SH2B3: variants seen among roughly 807,000 people sequenced by gnomAD.
SH2B3 encodes the protein SH2B adapter protein 3.
A neutral mutation model predicts 51.9 loss-of-function variants in SH2B3; 43 were observed. The observed-to-expected ratio is 0.83, with a 90% CI of 0.65 to 1.07. The LOEUF (loss-of-function observed/expected upper bound fraction) is 1.07. Among genes scored for constraint, SH2B3 ranks in the 50% least tolerant of loss-of-function variants. The probability of loss-of-function intolerance (pLI) is 0.00; values close to 1 mark genes in which losing one functional copy is unlikely to be tolerated. For missense variants in SH2B3, 952 were observed against 834.3 expected (o/e 1.14, Z -1.74); for synonymous variants, 396 against 376.0 (o/e 1.05, Z -0.62).
In SH2B3 at chr12:111,448,512, T is replaced by C. The variant is rs113141771; in HGVS notation, c.*210T>C. 1 of 578,108 alleles carries C rather than the reference T, an allele frequency of 1.7e-6. No homozygotes were observed. The highest frequency in any genetic ancestry group is 3.1e-6 in the Non-Finnish European group (1 of 325,486). 35.8% of individuals were successfully genotyped at this position (578,108 alleles called of 1,614,324 possible). A position where few individuals can be genotyped will look rare whatever the true frequency, so the allele number is the denominator to read the frequency against. On this transcript the variant is annotated 3_prime_UTR_variant, in exon 8 of 8. Coordinates refer to ENST00000341259, the MANE Select transcript of SH2B3 (RefSeq NM_005475.3). ...TCTATCCACCTGGCTTTCTCCTTAT[T>C]GTTTACAGATGTAGTTCTTGTTAGA...
At chr12:111,440,708 G>A (rs575072413) in intron 2 of SH2B3, among the ~76,000 whole-genome samples, 2 of 152,314 alleles carry the variant, frequency 1.3e-5, no homozygotes, top group Admixed American at 1.3e-4. Flanking sequence ...AGAATATTCA[G>A]CAAACGCTAC....
At chr12:111,431,445 T>C (rs1340950200) in intron 2 of SH2B3, among the ~76,000 whole-genome samples, 15 of 152,184 alleles carry the variant, frequency 9.9e-5, no homozygotes. Context: ...ATGTTTTTTA[T>C]TTTGCTTTTT....
At chr12:111,423,629 C>T (rs1413278084) in intron 2 of SH2B3, among the ~76,000 whole-genome samples, 1 of 152,186 alleles carries the variant, frequency 6.6e-6, no homozygotes, top group East Asian at 1.9e-4. Flanking sequence ...CTCAGCCTCC[C>T]AAAGTGCCGG....
intron 2 of SH2B3, among the ~76,000 whole-genome samples, chr12:111,420,156 AT>A (rs1871419393): frequency 6.6e-6 from 1 of 152,040 alleles, no homozygotes. Flanking sequence ...CCTTGGTGAT[AT>A]TTTGCAAGTT....
In SH2B3 at chr12:111,429,614, G is replaced by A. The variant is rs549263242; in HGVS notation, c.732+10737G>A. Among the ~76,000 whole-genome samples, 14 of 152,352 alleles carry A rather than the reference G, an allele frequency of 9.2e-5. No individual in the cohort carries two copies. The highest frequency in any genetic ancestry group is 5.8e-4 in the East Asian group (3 of 5,186). ...CTCCCAAAGTGCTAGGATTACAGGC[G>A]TGAGCTACCGCGCCCGGCCCATTTT... On this transcript the variant is annotated intron_variant, in intron 2 of 7. Coordinates refer to ENST00000341259, the MANE Select transcript of SH2B3 (RefSeq NM_005475.3). This position sits in a 1 kb window ranked among gnomAD's most constrained non-coding sequence, Gnocchi z 4.4.
At chr12:111,432,747 T>C (rs939139786) in intron 2 of SH2B3, among the ~76,000 whole-genome samples, 1 of 152,346 alleles carries the variant, frequency 6.6e-6, no homozygotes, top group Non-Finnish European at 1.5e-5. Flanking sequence ...ACATTTCACA[T>C]ATGTGGAATC....
In SH2B3 at chr12:111,446,786, A is replaced by C. The variant is rs1234358455; in HGVS notation, c.766A>C (p.Ser256Arg). 1 of 1,558,410 alleles carries C rather than the reference A, an allele frequency of 6.4e-7. No homozygotes were observed. Among genetic ancestry groups the C allele is most frequent in the South Asian group, 1.2e-5 (1 of 81,532 alleles). ...SRPKLQAACS[S>R]IQEVRWCTRL... ...GCCCAAGCTACAAGCAGCTTGCTCC[A>C]GCATCCAGGAGGTCCGGTGGTGCAC... The change falls in exon 3 of 8, where the codon AGC becomes CGC. Residue 256 changes from serine to arginine, a missense_variant. Physicochemically the swap from Ser to Arg is moderately radical, Grantham distance 110. Transcript: ENST00000341259.
At position 111,451,425 on chromosome 12, in the gene SH2B3, T is replaced by G. The variant is rs1565996418; in HGVS notation, c.*3123T>G. On this transcript the variant is annotated 3_prime_UTR_variant, in exon 8 of 8. Coordinates refer to ENST00000341259, the MANE Select transcript of SH2B3 (RefSeq NM_005475.3). Reference sequence around the variant, plus strand: ...TATATTAACAAGGACACATCTGACATCCTGTGTTTGGTTAGAATATACAGC... The same window carrying G: ...TATATTAACAAGGACACATCTGACAGCCTGTGTTTGGTTAGAATATACAGC... 6.6e-6 allele frequency: 1 copy of G among 152,612 alleles called. No individual in the cohort carries two copies. Among genetic ancestry groups the G allele is most frequent in the Non-Finnish European group, 1.5e-5 (1 of 68,044 alleles). The allele number at this position is 152,612 out of a possible 1,614,324, so 9.5% of individuals were successfully genotyped here. A position where few individuals can be genotyped will look rare whatever the true frequency, so the allele number is the denominator to read the frequency against.
At position 111,435,534 on chromosome 12, in the gene SH2B3, T is replaced by A. The variant is rs1308936908; in HGVS notation, c.733-11219T>A. Among the ~76,000 whole-genome samples the A allele has an allele frequency of 6.6e-6, 1 of 152,176 alleles. No homozygotes were observed. The highest frequency in any genetic ancestry group is 2.4e-5 in the African/African-American group (1 of 41,446). ...CCACCACGCCTGGCTAATTTTTGAA[T>A]TTTTAGTAGAGGCAGGGTTTCACCA... is the stretch of plus-strand genomic sequence containing the variant. On this transcript the variant is annotated intron_variant, in intron 2 of 7. Transcript: ENST00000341259. The surrounding 1 kb of genome is among the most constrained non-coding windows in gnomAD (Gnocchi z 4.8).
At chr12:111,422,256 T>C (rs553731285) in intron 2 of SH2B3, among the ~76,000 whole-genome samples, 1 of 152,082 alleles carries the variant, frequency 6.6e-6, no homozygotes, top group African/African-American at 2.4e-5. Context: ...GATTTTTGTA[T>C]TTTTAGTAGA....
At chr12:111,439,212 C>A (rs1262952537) in intron 2 of SH2B3, among the ~76,000 whole-genome samples, 1 of 152,172 alleles carries the variant, frequency 6.6e-6, no homozygotes, top group African/African-American at 2.4e-5. Flanking sequence ...TGCAGTGGCA[C>A]GATCTTGGCT....
rs1874591856 is a variant in SH2B3, at chr12:111,451,537, G to A, written c.*3235G>A. 1 of 152,634 alleles carries A rather than the reference G, an allele frequency of 6.6e-6. No homozygotes were observed. The highest frequency in any genetic ancestry group is 1.5e-5 in the Non-Finnish European group (1 of 68,042). The allele number at this position is 152,634 out of a possible 1,614,324, so 9.5% of individuals were successfully genotyped here. A position where few individuals can be genotyped will look rare whatever the true frequency, so the allele number is the denominator to read the frequency against. On this transcript the variant is annotated 3_prime_UTR_variant, in exon 8 of 8. Coordinates refer to ENST00000341259, the MANE Select transcript of SH2B3 (RefSeq NM_005475.3). ...ATTTTTATGTATTGTTTTATGTACTGTACAAGTAACTTATTCTTGAATAAT... is the reference window on the plus strand; with the variant it reads ...ATTTTTATGTATTGTTTTATGTACTATACAAGTAACTTATTCTTGAATAAT...
At chr12:111,427,778 TG>T (rs1463563952) in intron 2 of SH2B3, among the ~76,000 whole-genome samples, 12 of 152,262 alleles carry the variant, frequency 7.9e-5, no homozygotes, top group African/African-American at 2.7e-4. Flanking sequence ...GAGTTCTAGC[TG>T]TTGATAAATG....
At chr12:111,442,774 C>G (rs564450842) in intron 2 of SH2B3, among the ~76,000 whole-genome samples, 1 of 152,258 alleles carries the variant, frequency 6.6e-6, no homozygotes, top group African/African-American at 2.4e-5. Context: ...TCACCTGTGC[C>G]TCTTCCTGCT....
intron 2 of SH2B3, among the ~76,000 whole-genome samples, chr12:111,433,472 C>T (rs991349823): frequency 6.6e-6 from 1 of 152,196 alleles, no homozygotes; most frequent in Non-Finnish European, 1.5e-5. Flanking sequence ...CATGTCCTTG[C>T]CAATATTTGT....
intron 2 of SH2B3, among the ~76,000 whole-genome samples, chr12:111,442,006 A>G (rs1023944504): frequency 6.6e-6 from 1 of 151,934 alleles, no homozygotes; most frequent in African/African-American, 2.4e-5. Context: ...ATCTCAGCTC[A>G]CTGCAACCTC....
chr12:111,405,458 T>G (rs1056948154), upstream of SH2B3, among the ~76,000 whole-genome samples: 11 of 152,310 alleles, frequency 7.2e-5, no homozygotes, highest in African/African-American at 2.4e-4. This position sits in a 1 kb window ranked among gnomAD's most constrained non-coding sequence, Gnocchi z 5.4. Context: ...GATAAGGCCC[T>G]GCAGGAGGGA....
intron 2 of SH2B3, among the ~76,000 whole-genome samples, chr12:111,442,170 G>A (rs568609128): frequency 6.6e-6 from 1 of 152,154 alleles, no homozygotes; most frequent in African/African-American, 2.4e-5. Context: ...TGGGGTGAGG[G>A]ATCAGCCATC....
At chr12:111,411,073 A>G (rs1283205564) in intron 1 of SH2B3, among the ~76,000 whole-genome samples, 1 of 151,958 alleles carries the variant, frequency 6.6e-6, no homozygotes, top group African/African-American at 2.4e-5. Flanking sequence ...CACTTTAAGA[A>G]ATCTTCCCCA....
Sources: gnomAD v4.1 joint callset for allele counts (sites outside exome capture counted in the v4.1 genomes callset) on GRCh38, gnomAD v4.1.1 for gene constraint, Gnocchi (gnomAD v3.1) non-coding constraint, MANE v1.5 for transcripts, NCBI Gene and HGNC (gene_info 2026-07-23, HGNC 2026-07-21) for gene names.